CEP89: variants seen among roughly 807,000 people sequenced by gnomAD.
CEP89 encodes the protein centrosomal protein 89.
Under a neutral mutation model 97.6 loss-of-function variants are expected in CEP89, and 95 were observed. That is an observed-to-expected ratio of 0.97 (90% CI 0.82 to 1.15). CEP89 has a LOEUF of 1.15. CEP89 is among the 50% of genes most tolerant of loss of function. The probability of loss-of-function intolerance (pLI) is 0.00; values close to 1 mark genes in which losing one functional copy is unlikely to be tolerated. For synonymous variants in CEP89, 354 were observed against 349.1 expected, an observed-to-expected ratio of 1.01 and a Z score of -0.16; for missense variants, 869 against 947.7, an observed-to-expected ratio of 0.92 and a Z score of 1.09.
intron 1 of CEP89, among the ~76,000 whole-genome samples, chr19:32,968,281 G>A (rs1971326924): frequency 6.6e-6 from 1 of 152,138 alleles, no homozygotes; most frequent in South Asian, 2.1e-4. Context: ...AGACAGTCTT[G>A]TCTGTCACCC....
chr19:32,933,541 G>A lies in CEP89; in HGVS notation c.796C>T (p.Gln266Ter), dbSNP rs542340255. 5.7e-5 allele frequency: 92 copies of A among 1,613,574 alleles called. No homozygotes were observed. In the South Asian group the frequency reaches 9.6e-4, roughly 17 times the overall value. Residue 266 changes from glutamine (Q) to a stop codon, truncating the protein, a stop_gained, in exon 8 of 19, where the codon CAA (glutamine) becomes TAA (stop). Transcript: ENST00000305768. LOFTEE classifies it high-confidence loss of function. ...SLTLELNTMK[Q>*]AMKELQLKLK... ...TTTAACTGTAGTTCTTTCATTGCTT[G>A]TTTCATTGTGTTTAGTTCAAGGGTA...
chr19:32,966,732 C>CTAGGG, intron 1 of CEP89, among the ~76,000 whole-genome samples: 1 of 152,298 alleles, frequency 6.6e-6, no homozygotes, highest in East Asian at 1.9e-4. Flanking sequence ...CCCCAAGAGT[C>CTAGGG]ACCCTCTAGC....
At chr19:32,922,197 G>A (rs1002489290) in intron 12 of CEP89, among the ~76,000 whole-genome samples, 6 of 152,262 alleles carry the variant, frequency 3.9e-5, no homozygotes, top group Non-Finnish European at 7.4e-5. Context: ...ATAGGCAGGC[G>A]CAGTGTGGCA....
intron 3 of CEP89, 66 bp from the exon 4 acceptor site, chr19:32,953,867 CT>C (rs11339044): frequency 0.26 from 157,858 of 604,050 alleles, 4,813 homozygotes; most frequent in South Asian, 0.29. Context: ...TGATAAATAT[CT>C]TTTTTTTTTT....
intron 2 of CEP89, among the ~76,000 whole-genome samples, chr19:32,960,743 G>A (rs1971149299): frequency 6.6e-6 from 1 of 151,464 alleles, no homozygotes. Flanking sequence ...CCGGGAGGTG[G>A]AGGTTACTAT....
chr19:32,906,315 C>T (rs1035321391), intron 14 of CEP89, among the ~76,000 whole-genome samples: 2 of 152,056 alleles, frequency 1.3e-5, no homozygotes, highest in African/African-American at 4.8e-5. Flanking sequence ...CTTTTTACCC[C>T]CATACTAGTT....
chr19:32,962,326 G>A (rs1488978924), intron 2 of CEP89, among the ~76,000 whole-genome samples: 2 of 152,176 alleles, frequency 1.3e-5, no homozygotes, highest in African/African-American at 4.8e-5. Flanking sequence ...TGCCATGATT[G>A]TTGGTTTCCT....
intron 14 of CEP89, among the ~76,000 whole-genome samples, chr19:32,902,855 G>A (rs1188118932): frequency 6.6e-6 from 1 of 152,144 alleles, no homozygotes; most frequent in African/African-American, 2.4e-5. Context: ...ACAAACAGTA[G>A]GCAGAACAAT....
Position 32,878,445 on chromosome 19 carries a change from G to A in CEP89, c.*717C>T, listed in dbSNP as rs911906299. 6.6e-6 allele frequency: 1 copy of A among 152,134 alleles called. No individual in the cohort carries two copies. The highest frequency in any genetic ancestry group is 2.4e-5 in the African/African-American group (1 of 41,412). The allele number at this position is 152,134 out of a possible 1,614,324, so 9.4% of individuals were successfully genotyped here. On this transcript the variant is annotated 3_prime_UTR_variant, in exon 19 of 19. Transcript: ENST00000305768. ...AGCTATCATCAGGGCCGGTGCCATG[G>A]CCTGGCTCCTCGGGTGACACTTCCC...
At chr19:32,951,528 TATATATACACAC>T (rs1012191498) in intron 4 of CEP89, among the ~76,000 whole-genome samples, 1 of 94,246 alleles carries the variant, frequency 1.1e-5, no homozygotes, top group African/African-American at 4.7e-5. Context: ...TATATATATA[TATATATACACAC>T]ACACACACAC....
At chr19:32,951,534 TACACAC>T (rs60580377) in intron 4 of CEP89, among the ~76,000 whole-genome samples, 18 of 122,042 alleles carry the variant, frequency 1.5e-4, no homozygotes, top group African/African-American at 4.1e-4. Flanking sequence ...TATATATATA[TACACAC>T]ACACACACAC....
rs772671494 is a variant in CEP89 at position 32,953,687 on chromosome 19, C to T, written c.420G>A (p.Leu140=). 6 of 1,613,936 alleles carry T rather than the reference C, an allele frequency of 3.7e-6. No homozygotes were observed. The Admixed American group carries it at 6.7e-5, about 18-fold the overall frequency. ...TGTCCTCCCGGGCACTGACATCCCC[C>T]AATTCCTTGCCGCTGGATGACAGCT... ...ETQLSSSGKE[L]GDVSAREDRG... is the part of the protein sequence containing the mutation. The change falls in exon 4 of 19, where the codon TTG becomes TTA. Residue 140 remains leucine (L), a synonymous_variant. Transcript: ENST00000305768.
chr19:32,914,280 A>G (rs1231869083), intron 14 of CEP89, among the ~76,000 whole-genome samples: 2 of 151,724 alleles, frequency 1.3e-5, no homozygotes, highest in Non-Finnish European at 2.9e-5. Flanking sequence ...CAGTTTTACT[A>G]TTTTATTTAT....
rs775107805 is a variant in CEP89, at chr19:32,937,649, T to G, written c.649A>C (p.Lys217Gln). The G allele has an allele frequency of 2.5e-6, 4 of 1,607,006 alleles. No homozygotes were observed. The highest frequency in any genetic ancestry group is 3.4e-6 in the Non-Finnish European group (4 of 1,174,812). Residue 217 changes from lysine (K) to glutamine (Q), a missense_variant, in exon 7 of 19, where the codon AAA (lysine) becomes CAA (glutamine). Physicochemically the swap from Lys to Gln is moderately conservative, Grantham distance 53 (BLOSUM62 1). Transcript: ENST00000305768. ...CAAATACCTGGGGAGGGTGGAGGTT[T>G]CTCACATAATGGAGGTTTTTCATCC... is the stretch of plus-strand genomic sequence containing the variant. ...LKDEKPPLCE[K>Q]PPPSPDITGR... is the part of the protein sequence containing the mutation.
Position 32,901,253 on chromosome 19 carries a change from T to C in CEP89, c.1725A>G (p.Lys575=), listed in dbSNP as rs1210357659. Residue 575 remains lysine, a synonymous_variant, in exon 15 of 19, where the codon AAA becomes AAG. Coordinates refer to ENST00000305768, the MANE Select transcript of CEP89 (RefSeq NM_032816.5). The part of the protein sequence containing the change: ...ALEAELERAQ[K]INRKSQKKIE... ...GAAAAAAAGACACAAACCTATTGAT[T>C]TTCTGTGCTCGTTCAAGTTCGGCTT... 2 of 1,609,004 alleles carry C rather than the reference T, an allele frequency of 1.2e-6. No homozygotes were observed. The highest frequency in any genetic ancestry group is 2.2e-5 in the South Asian group (2 of 89,798).
intron 14 of CEP89, among the ~76,000 whole-genome samples, chr19:32,914,081 C>T (rs1970070249): frequency 6.6e-6 from 1 of 152,238 alleles, no homozygotes; most frequent in Non-Finnish European, 1.5e-5. Context: ...AGTAGGAGAA[C>T]TGCTTGAGTC....
In CEP89 at chr19:32,948,379, TA is replaced by T; in HGVS notation, c.493-12del. ...ATGTAACAATGGCACCTTTTTGTTATAAAAGACAAAGGAGCAAAAAAGTGAG... is the reference window on the plus strand; with the variant it reads ...ATGTAACAATGGCACCTTTTTGTTATAAAGACAAAGGAGCAAAAAAGTGAG... On this transcript the variant is annotated splice_polypyrimidine_tract_variant and intron_variant, in intron 4 of 18. Coordinates refer to ENST00000305768, the MANE Select transcript of CEP89 (RefSeq NM_032816.5). The T allele has an allele frequency of 6.4e-7, 1 of 1,572,120 alleles. No individual in the cohort carries two copies.
chr19:32,911,398 T>C (rs959404741), intron 14 of CEP89, among the ~76,000 whole-genome samples: 2 of 152,220 alleles, frequency 1.3e-5, no homozygotes, highest in Non-Finnish European at 2.9e-5. Context: ...GGCTCATGCC[T>C]GGAATCTCAG....
chr19:32,904,079 G>T (rs1969839549), intron 14 of CEP89, among the ~76,000 whole-genome samples: 1 of 152,164 alleles, frequency 6.6e-6, no homozygotes, highest in Non-Finnish European at 1.5e-5. Flanking sequence ...AGGATCACTT[G>T]AGCCCAGGAG....
Sources: gnomAD v4.1 joint callset for allele counts (sites outside exome capture counted in the v4.1 genomes callset) on GRCh38, gnomAD v4.1.1 for gene constraint, MANE v1.5 for transcripts, NCBI Gene and HGNC (gene_info 2026-07-23, HGNC 2026-07-21) for gene names.